The following CUX2 variants were observed in gnomAD, a reference collection of about 807,000 sequenced individuals.
CUX2 encodes the protein homeobox protein cut-like 2.
CUX2 carries 40 observed loss-of-function variants against 144.8 expected under a neutral mutation model. The ratio of observed to expected loss-of-function variants is 0.28; its 90% CI spans 0.21 to 0.36. The LOEUF is 0.36. Among genes scored for constraint, CUX2 ranks in the 10% least tolerant of loss-of-function variants. The probability of loss-of-function intolerance (pLI) is 1.00; values close to 1 mark genes in which losing one functional copy is unlikely to be tolerated. For synonymous variants in CUX2, 827 were observed against 875.6 expected, an observed-to-expected ratio of 0.94 and a Z score of 0.98; for missense variants, 1,615 against 1,994.0, an observed-to-expected ratio of 0.81 and a Z score of 3.62.
chr12:111,333,989 C>T (rs1888229775), intron 18 of CUX2, among the ~76,000 whole-genome samples: 1 of 151,896 alleles, frequency 6.6e-6, no homozygotes, highest in Non-Finnish European at 1.5e-5. Context: ...AGATTGAGAC[C>T]ATCCTGGCTA....
At chr12:111,094,473 T>A (rs1185753486) in intron 1 of CUX2, among the ~76,000 whole-genome samples, 7 of 152,234 alleles carry the variant, frequency 4.6e-5, no homozygotes, top group Admixed American at 4.6e-4. Flanking sequence ...TGTGCCCCGG[T>A]TGCAACAGCA....
intron 10 of CUX2, among the ~76,000 whole-genome samples, chr12:111,305,838 TGTG>T (rs1565905258): frequency 6.6e-6 from 1 of 152,142 alleles, no homozygotes; most frequent in African/African-American, 2.4e-5. Context: ...GTCTGTTGTG[TGTG>T]ATGATGTGTC....
At chr12:111,220,363 G>C (rs1261426921) in intron 3 of CUX2, among the ~76,000 whole-genome samples, 1 of 152,110 alleles carries the variant, frequency 6.6e-6, no homozygotes, top group African/African-American at 2.4e-5. Flanking sequence ...TTATCTCAAA[G>C]ATGGGTTTCA....
intron 1 of CUX2, among the ~76,000 whole-genome samples, chr12:111,089,667 C>A (rs1295314564): frequency 6.6e-6 from 1 of 152,178 alleles, no homozygotes; most frequent in Non-Finnish European, 1.5e-5. Context: ...TGAAAGATGG[C>A]TGGGCATTCC....
chr12:111,320,926 A>G lies in CUX2; in HGVS notation c.2766+151A>G. ...CCTGGGTCCCGCAGGAAGGAGGGCCACTGTTCTGCTCCGTGGTTGTTAAAA... is the reference window on the plus strand; with the variant it reads ...CCTGGGTCCCGCAGGAAGGAGGGCCGCTGTTCTGCTCCGTGGTTGTTAAAA... On this transcript the variant is annotated intron_variant, in intron 17 of 21. Coordinates refer to ENST00000261726, the MANE Select transcript of CUX2 (RefSeq NM_015267.4). The surrounding 1 kb of genome is among the most constrained non-coding windows in gnomAD (Gnocchi z 8.1). 1.1e-6 allele frequency: 1 copy of G among 870,890 alleles called. No individual in the cohort carries two copies. The highest frequency in any genetic ancestry group is 1.6e-6 in the Non-Finnish European group (1 of 619,290). 53.9% of individuals were successfully genotyped at this position (870,890 alleles called of 1,614,324 possible).
At position 111,180,685 on chromosome 12, in the gene CUX2, T is replaced by TGCAG. The variant is rs574755504; in HGVS notation, c.64-33515_64-33514insGCAG. Among the ~76,000 whole-genome samples, 662 of 152,280 alleles carry TGCAG rather than the reference T, an allele frequency of 4.3e-3. 4 individuals are homozygous for TGCAG. The highest frequency in any genetic ancestry group is 0.015 in the African/African-American group (615 of 41,564). On this transcript the variant is annotated intron_variant, in intron 1 of 21. Transcript: ENST00000261726. ...GGGACTGAGGCCTCCAGTCCTCTCC[T>TGCAG]CTCCTGGACCTCTCAGCTCCTGCAG...
intron 1 of CUX2, among the ~76,000 whole-genome samples, chr12:111,103,656 T>C (rs1021712925): frequency 6.6e-6 from 1 of 152,228 alleles, no homozygotes. Context: ...CTGGGGCCAC[T>C]GTCTACTATA....
At chr12:111,079,839 G>T (rs1353526240) in intron 1 of CUX2, among the ~76,000 whole-genome samples, 1 of 152,114 alleles carries the variant, frequency 6.6e-6, no homozygotes, top group Non-Finnish European at 1.5e-5. Context: ...GTGGGAGGAC[G>T]CCTCACTTCA....
intron 1 of CUX2, among the ~76,000 whole-genome samples, chr12:111,166,800 G>A (rs944309902): frequency 5.3e-5 from 8 of 152,158 alleles, no homozygotes; most frequent in South Asian, 2.1e-4. Flanking sequence ...AAGTCCTGAC[G>A]GCATCATCTG....
At chr12:111,110,949 G>A (rs113318524) in intron 1 of CUX2, among the ~76,000 whole-genome samples, 4 of 152,176 alleles carry the variant, frequency 2.6e-5, no homozygotes, top group African/African-American at 9.7e-5. Flanking sequence ...TGGGGTGCAG[G>A]GGAGGGGAAG....
In CUX2 at chr12:111,214,213, C is replaced by A; in HGVS notation, c.77C>A (p.Ser26Tyr). 1 of 1,532,956 alleles carries A rather than the reference C, an allele frequency of 6.5e-7. No individual in the cohort carries two copies. The highest frequency in any genetic ancestry group is 8.8e-7 in the Non-Finnish European group (1 of 1,141,000). 95.0% of individuals were successfully genotyped at this position (1,532,956 alleles called of 1,614,324 possible). ...DLRRLQKELN[S>Y]VASELSARQE... ...TTATTGTTCCAGAAGGAGCTTAATT[C>A]CGTCGCTTCTGAGCTGTCTGCACGG... is the stretch of plus-strand genomic sequence containing the variant. Residue 26 changes from serine (S) to tyrosine (Y), a missense_variant, in exon 2 of 22, where the codon TCC becomes TAC. By Grantham distance (144) the Ser-to-Tyr change is moderately radical (BLOSUM62 -2). Transcript: ENST00000261726.
At chr12:111,095,031 T>G (rs1872738263) in intron 1 of CUX2, among the ~76,000 whole-genome samples, 1 of 152,086 alleles carries the variant, frequency 6.6e-6, no homozygotes, top group African/African-American at 2.4e-5. Flanking sequence ...TCTCCTCCTA[T>G]TTAGAGGGTC....
chr12:111,211,705 G>A (rs765949467), intron 1 of CUX2, among the ~76,000 whole-genome samples: 4 of 152,086 alleles, frequency 2.6e-5, no homozygotes, highest in Admixed American at 6.6e-5. Flanking sequence ...CTAACACGGT[G>A]AAACCCTGTC....
chr12:111,068,112 T>C lies in CUX2; in HGVS notation c.63+33872T>C, dbSNP rs1182666813. 6.6e-6 allele frequency among the ~76,000 whole-genome samples: 1 copy of C among 152,002 alleles called. No homozygotes were observed. The highest frequency in any genetic ancestry group is 1.9e-4 in the East Asian group (1 of 5,178). On this transcript the variant is annotated intron_variant, in intron 1 of 21. Transcript: ENST00000261726. This position sits in a 1 kb window ranked among gnomAD's most constrained non-coding sequence, Gnocchi z 4.9. ...AGAGCCTGGCGAAGTCCCTCCCGTG[T>C]CCCCAAGCCCACCACACCTGCTTCG...
chr12:111,342,027 C>T lies in CUX2; in HGVS notation c.3633C>T (p.Thr1211=), dbSNP rs921638433. Residue 1211 remains threonine (T), a synonymous_variant, in exon 21 of 22, where the codon ACC becomes ACT. Transcript: ENST00000261726. ...LSFQLNLKTN[T]VINWFHNYRS... ...TCCAGCTCAACCTCAAGACCAACAC[C>T]GTCATCAACTGGTTCCACAACTACA... 1.2e-5 allele frequency: 20 copies of T among 1,613,744 alleles called. No homozygotes were observed. The highest frequency in any genetic ancestry group is 4.0e-5 in the African/African-American group (3 of 75,040).
intron 8 of CUX2, among the ~76,000 whole-genome samples, chr12:111,297,232 G>A (rs1285797239): frequency 1.3e-5 from 2 of 151,232 alleles, no homozygotes; most frequent in Non-Finnish European, 2.9e-5. Context: ...TCCCAGACAC[G>A]CCTCCACCCT....
intron 1 of CUX2, among the ~76,000 whole-genome samples, chr12:111,105,119 C>T (rs1228796984): frequency 1.3e-5 from 2 of 152,160 alleles, no homozygotes; most frequent in African/African-American, 2.4e-5. Flanking sequence ...TCGGGGGCCA[C>T]ATTGAGGGTC....
chr12:111,252,606 T>C (rs979723385), intron 3 of CUX2, among the ~76,000 whole-genome samples: 2 of 152,142 alleles, frequency 1.3e-5, no homozygotes, highest in African/African-American at 4.8e-5. Flanking sequence ...TAGGTAAGTT[T>C]GGCAGCTTGG....
intron 8 of CUX2, among the ~76,000 whole-genome samples, chr12:111,297,146 A>G (rs1350795799): frequency 3.8e-5 from 5 of 131,094 alleles, no homozygotes; most frequent in Non-Finnish European, 6.5e-5. Flanking sequence ...CCTCCCAGAC[A>G]GGCCTTCTCC....
Sources: gnomAD v4.1 joint callset for allele counts (sites outside exome capture counted in the v4.1 genomes callset) on GRCh38, gnomAD v4.1.1 for gene constraint, Gnocchi (gnomAD v3.1) non-coding constraint, MANE v1.5 for transcripts, NCBI Gene and HGNC (gene_info 2026-07-23, HGNC 2026-07-21) for gene names.